CD96: variants seen among roughly 807,000 people sequenced by gnomAD.
CD96 encodes T-cell surface protein tactile.
Under a neutral mutation model 71.3 loss-of-function variants are expected in CD96, and 70 were observed. The ratio of observed to expected loss-of-function variants is 0.98; its 90% CI spans 0.81 to 1.20. The LOEUF (loss-of-function observed/expected upper bound fraction) is 1.20, where lower values mean the gene tolerates loss of function less well. Ranked by LOEUF, CD96 falls within the 50% of genes most tolerant of loss-of-function variation. The pLI is 0.00. For missense variants in CD96, 742 were observed against 677.5 expected (o/e 1.10, Z -1.06); for synonymous variants, 248 against 233.0 (o/e 1.06, Z -0.59).
chr3:111,657,215 T>C (rs1407879950), downstream of CD96, among the ~76,000 whole-genome samples: 3 of 151,598 alleles, frequency 2.0e-5, no homozygotes, highest in Non-Finnish European at 4.4e-5. Flanking sequence ...GTCAGGAGTT[T>C]GAGACCAGCC....
intron 10 of CD96, among the ~76,000 whole-genome samples, chr3:111,628,825 A>G (rs1365237304): frequency 6.6e-6 from 1 of 152,210 alleles, no homozygotes; most frequent in Non-Finnish European, 1.5e-5. Context: ...TCTCAGCAGA[A>G]ATCCCACAAT....
chr3:111,551,497 C>G (rs1004187156), intron 2 of CD96, among the ~76,000 whole-genome samples: 9 of 152,066 alleles, frequency 5.9e-5, no homozygotes, highest in Non-Finnish European at 1.3e-4. Context: ...GAATATTTGT[C>G]CCCTTCAAAA....
exon 15 of CD96, chr3:111,665,689 G>A (rs919400373): frequency 6.6e-6 from 1 of 152,188 alleles, no homozygotes; most frequent in Non-Finnish European, 1.5e-5. Flanking sequence ...CTCCACCCAA[G>A]AAAGAGACTT....
intron 5 of CD96, among the ~76,000 whole-genome samples, chr3:111,596,361 G>A (rs963851489): frequency 5.3e-5 from 8 of 152,172 alleles, no homozygotes; most frequent in East Asian, 3.9e-4. Flanking sequence ...ATCTTGGAAC[G>A]CAAAGTCTAG....
chr3:111,632,732 A>G (rs1576415535), intron 10 of CD96, among the ~76,000 whole-genome samples: 1 of 152,264 alleles, frequency 6.6e-6, no homozygotes, highest in African/African-American at 2.4e-5. Context: ...ATGCCCATCA[A>G]TAATAGACTG....
At chr3:111,571,639 A>T (rs1935990115) in intron 3 of CD96, among the ~76,000 whole-genome samples, 1 of 152,224 alleles carries the variant, frequency 6.6e-6, no homozygotes, top group Non-Finnish European at 1.5e-5. Flanking sequence ...AGAATGCACC[A>T]TGATACCAAC....
intron 10 of CD96, among the ~76,000 whole-genome samples, chr3:111,633,518 A>AT (rs1178246698): frequency 6.6e-6 from 1 of 152,210 alleles, no homozygotes; most frequent in Non-Finnish European, 1.5e-5. Flanking sequence ...AAAAATAAAA[A>AT]TAAAAAAAAC....
intron 8 of CD96, among the ~76,000 whole-genome samples, chr3:111,618,640 A>G (rs1192164405): frequency 6.9e-6 from 1 of 144,280 alleles, no homozygotes; most frequent in Non-Finnish European, 1.5e-5. Context: ...GCTGGAGTAC[A>G]GTGGCACGAT....
At chr3:111,655,850 GATAC>G (rs1282884199), downstream of CD96, among the ~76,000 whole-genome samples, 1 of 151,296 alleles carries the variant, frequency 6.6e-6, no homozygotes, top group Non-Finnish European at 1.5e-5. Context: ...TGTATTTGTA[GATAC>G]ATATATATGT....
At chr3:111,577,632 C>T in intron 3 of CD96, 1 of 905,382 alleles carries the variant, frequency 1.1e-6, no homozygotes, top group Non-Finnish European at 1.9e-6. Context: ...GTATGTAAGA[C>T]TGACACAAAT....
intron 14 of CD96, among the ~76,000 whole-genome samples, chr3:111,663,246 A>AG (rs1407977130): frequency 2.0e-5 from 3 of 152,192 alleles, no homozygotes; most frequent in Non-Finnish European, 4.4e-5. Context: ...AAGAGCAGCA[A>AG]GGGGGAAATC....
intron 6 of CD96, among the ~76,000 whole-genome samples, chr3:111,598,923 A>G (rs75183243): frequency 9.8e-4 from 149 of 152,292 alleles, no homozygotes; most frequent in Non-Finnish European, 1.6e-3. Flanking sequence ...TCTGTCTTCA[A>G]TAATAACTGA....
chr3:111,585,806 G>A (rs531915455), intron 5 of CD96, among the ~76,000 whole-genome samples: 1 of 152,178 alleles, frequency 6.6e-6, no homozygotes, highest in African/African-American at 2.4e-5. Context: ...GTGACAGGAG[G>A]AGATATGCCC....
At chr3:111,563,454 G>T (rs1935553842) in intron 2 of CD96, among the ~76,000 whole-genome samples, 1 of 152,224 alleles carries the variant, frequency 6.6e-6, no homozygotes. Context: ...GGTTGGAGAA[G>T]GGAATGGATG....
At chr3:111,592,379 C>A (rs1476426216) in intron 5 of CD96, among the ~76,000 whole-genome samples, 2 of 152,194 alleles carry the variant, frequency 1.3e-5, no homozygotes, top group Non-Finnish European at 2.9e-5. Context: ...GATTGGCATG[C>A]AGTTAGCATT....
chr3:111,556,464 T>C (rs1373633049), intron 2 of CD96, among the ~76,000 whole-genome samples: 1 of 119,560 alleles, frequency 8.4e-6, no homozygotes, highest in Non-Finnish European at 1.7e-5. Context: ...GTTTGGTTTT[T>C]TGTTCTTGCG....
intron 8 of CD96, among the ~76,000 whole-genome samples, chr3:111,617,427 T>C (rs1391908439): frequency 6.6e-6 from 1 of 152,218 alleles, no homozygotes; most frequent in Non-Finnish European, 1.5e-5. Flanking sequence ...CCAATCACCA[T>C]GCACTTTCTC....
chr3:111,603,597 A>C (rs73230108), intron 7 of CD96, among the ~76,000 whole-genome samples: 1 of 152,234 alleles, frequency 6.6e-6, no homozygotes, highest in East Asian at 1.9e-4. Flanking sequence ...TTAATGCAAA[A>C]GTTGAGTGCA....
intron 8 of CD96, among the ~76,000 whole-genome samples, chr3:111,618,582 C>CTTT (rs35004472): frequency 7.2e-4 from 89 of 123,940 alleles, no homozygotes; most frequent in African/African-American, 1.8e-3. Context: ...TTATTTCTCT[C>CTTT]TTTTTTTTTT....
Sources: allele counts gnomAD v4.1 joint callset (sites outside exome capture counted in the v4.1 genomes callset), GRCh38; gene constraint gnomAD v4.1.1; transcripts MANE v1.5; gene names NCBI Gene and HGNC (gene_info 2026-07-23, HGNC 2026-07-21).